The following CHCHD3 variants were observed in gnomAD, a reference collection of about 807,000 sequenced individuals.
The protein encoded by CHCHD3 is coiled-coil-helix-coiled-coil-helix domain containing 3.
Under a neutral mutation model 38.2 loss-of-function variants are expected in CHCHD3, and 20 were observed. That is an observed-to-expected ratio of 0.52 (90% CI 0.37 to 0.76). The LOEUF is 0.76. CHCHD3 is among the 30% of genes least tolerant of loss of function. CHCHD3 has a pLI of 0.00. For missense variants in CHCHD3, 245 were observed against 279.2 expected (o/e 0.88, Z 0.87); for synonymous variants, 82 against 100.0 (o/e 0.82, Z 1.07).
At chr7:132,964,384 T>C (rs1424118180) in intron 4 of CHCHD3, among the ~76,000 whole-genome samples, 3 of 152,030 alleles carry the variant, frequency 2.0e-5, no homozygotes, top group East Asian at 1.9e-4. Context: ...AGTTCAAGAC[T>C]AGCCTGACCA....
chr7:133,061,476 A>G (rs1317581602), intron 2 of CHCHD3, among the ~76,000 whole-genome samples: 1 of 151,916 alleles, frequency 6.6e-6, no homozygotes, highest in Non-Finnish European at 1.5e-5. Flanking sequence ...GCAAAAAAAA[A>G]AAAAAACCCT....
chr7:132,824,349 C>T (rs577636788), intron 6 of CHCHD3, among the ~76,000 whole-genome samples: 7 of 109,542 alleles, frequency 6.4e-5, no homozygotes, highest in Admixed American at 1.2e-4. Context: ...GACGGAGTCT[C>T]GCTCTGTCGC....
chr7:132,952,458 T>G (rs1382097208), intron 4 of CHCHD3, among the ~76,000 whole-genome samples: 4 of 152,208 alleles, frequency 2.6e-5, no homozygotes, highest in African/African-American at 9.6e-5. Context: ...CTTTAAAAGT[T>G]GGCTACAGAT....
intron 4 of CHCHD3, among the ~76,000 whole-genome samples, chr7:132,969,339 C>G (rs1022147832): frequency 1.2e-4 from 19 of 152,024 alleles, no homozygotes; most frequent in Non-Finnish European, 1.0e-4. Context: ...GCCTAGGATA[C>G]AGTAGGTGTT....
At chr7:132,855,797 C>G (rs554424122) in intron 5 of CHCHD3, among the ~76,000 whole-genome samples, 1 of 151,508 alleles carries the variant, frequency 6.6e-6, no homozygotes, top group East Asian at 1.9e-4. Context: ...AAAAGTTTTA[C>G]CCCTCAACTG....
At chr7:133,012,489 C>G (rs1181769533) in intron 3 of CHCHD3, among the ~76,000 whole-genome samples, 1 of 152,116 alleles carries the variant, frequency 6.6e-6, no homozygotes, top group African/African-American at 2.4e-5. Flanking sequence ...TCAGGCCAGG[C>G]ACAGTGGCTC....
At chr7:132,796,106 G>A (rs1474013343) in intron 7 of CHCHD3, among the ~76,000 whole-genome samples, 1 of 151,812 alleles carries the variant, frequency 6.6e-6, no homozygotes, top group Non-Finnish European at 1.5e-5. Flanking sequence ...TATCCTCTTC[G>A]CTAGCTCTAA....
At chr7:132,908,172 G>A (rs756392226) in intron 4 of CHCHD3, among the ~76,000 whole-genome samples, 4 of 152,312 alleles carry the variant, frequency 2.6e-5, no homozygotes, top group South Asian at 2.1e-4. Flanking sequence ...GGAATTGTTT[G>A]CTTTAACCAT....
chr7:132,835,603 G>A (rs184388449), intron 6 of CHCHD3, among the ~76,000 whole-genome samples: 55 of 152,178 alleles, frequency 3.6e-4, no homozygotes, highest in African/African-American at 1.3e-3. Flanking sequence ...AGAGATTCAG[G>A]ACAGAGATTT....
intron 5 of CHCHD3, among the ~76,000 whole-genome samples, chr7:132,846,076 T>C (rs759394673): frequency 6.6e-6 from 1 of 152,210 alleles, no homozygotes; most frequent in Non-Finnish European, 1.5e-5. Flanking sequence ...ATGGCCACCA[T>C]GCTTTACTCT....
intron 1 of CHCHD3, 109 bp from the exon 2 acceptor site, chr7:133,070,338 C>A: frequency 1.3e-6 from 1 of 788,282 alleles, no homozygotes; most frequent in South Asian, 1.9e-5. Flanking sequence ...ATGACGAATG[C>A]CCTAAAGAAA....
rs530169750 is a variant in CHCHD3 at position 133,065,380 on chromosome 7, T to C, written c.169+4762A>G. Among the ~76,000 whole-genome samples, 3 of 152,304 alleles carry C rather than the reference T, an allele frequency of 2.0e-5. No individual in the cohort carries two copies. In the East Asian group the frequency reaches 5.8e-4, roughly 29 times the overall value. ...AAAGTCTTCAGAGGAACCCACTTTC[T>C]TATAGTATAAAATGTATTCTCAAAA... On this transcript the variant is annotated intron_variant, in intron 2 of 7. Transcript: ENST00000262570.
chr7:132,795,264 T>C (rs527812112), intron 7 of CHCHD3, among the ~76,000 whole-genome samples: 3 of 152,228 alleles, frequency 2.0e-5, no homozygotes, highest in African/African-American at 4.8e-5. Context: ...CATATTCATA[T>C]TGAAGGCTGG....
chr7:132,817,211 T>G (rs1011213633), intron 6 of CHCHD3, among the ~76,000 whole-genome samples: 10 of 152,004 alleles, frequency 6.6e-5, no homozygotes, highest in African/African-American at 2.4e-4. Flanking sequence ...TTCTTTCTTT[T>G]TTTTTTTTGG....
Position 133,007,978 on chromosome 7 carries a change from A to T in CHCHD3, c.251+16568T>A, listed in dbSNP as rs1161961219. 2.0e-5 allele frequency among the ~76,000 whole-genome samples: 3 copies of T among 152,188 alleles called. No homozygotes were observed. In the South Asian group the frequency reaches 6.2e-4, roughly 31 times the overall value. ...GATAACCTTTCCAGGTATGTCTCTCAAGTCCTTCCTGTTATTCTGGATACC... is the reference window on the plus strand; with the variant it reads ...GATAACCTTTCCAGGTATGTCTCTCTAGTCCTTCCTGTTATTCTGGATACC... On this transcript the variant is annotated intron_variant, in intron 3 of 7. Transcript: ENST00000262570.
At chr7:132,835,892 A>C (rs978543364) in intron 6 of CHCHD3, among the ~76,000 whole-genome samples, 1 of 152,210 alleles carries the variant, frequency 6.6e-6, no homozygotes, top group Non-Finnish European at 1.5e-5. Flanking sequence ...GCAGATTAGC[A>C]TGTAGACACA....
chr7:133,011,524 G>A (rs1050109809), intron 3 of CHCHD3, among the ~76,000 whole-genome samples: 1 of 152,170 alleles, frequency 6.6e-6, no homozygotes, highest in Admixed American at 6.5e-5. Flanking sequence ...TAACAGCATT[G>A]CTGGCCTCTA....
chr7:132,951,633 C>A (rs1811038551), intron 4 of CHCHD3, among the ~76,000 whole-genome samples: 1 of 152,202 alleles, frequency 6.6e-6, no homozygotes, highest in African/African-American at 2.4e-5. Context: ...GACACAACAA[C>A]AAAATTGCCT....
chr7:132,792,852 C>T (rs1450696812), intron 7 of CHCHD3, among the ~76,000 whole-genome samples: 1 of 152,156 alleles, frequency 6.6e-6, no homozygotes, highest in Non-Finnish European at 1.5e-5. Flanking sequence ...CCAGAAGGGT[C>T]CAGCCAGCTT....
Sources: gnomAD v4.1 joint callset for allele counts (sites outside exome capture counted in the v4.1 genomes callset) on GRCh38, gnomAD v4.1.1 for gene constraint, MANE v1.5 for transcripts, NCBI Gene and HGNC (gene_info 2026-07-23, HGNC 2026-07-21) for gene names.